TP73: variants seen among roughly 807,000 people sequenced by gnomAD.
The protein encoded by TP73 is p53-like transcription factor.
TP73 carries 25 observed loss-of-function variants against 62.5 expected under a neutral mutation model. The observed-to-expected ratio is 0.40, with a 90% CI of 0.29 to 0.56. TP73 has a LOEUF of 0.56. TP73 is among the 20% of genes least tolerant of loss of function. TP73 has a pLI of 0.46. For missense variants in TP73, 754 were observed against 913.3 expected (o/e 0.83, Z 2.25); for synonymous variants, 423 against 377.5 (o/e 1.12, Z -1.40).
intron 1 of TP73, among the ~76,000 whole-genome samples, chr1:3,677,877 T>C (rs1645410290): frequency 1.3e-5 from 2 of 151,946 alleles, no homozygotes. Flanking sequence ...AATATTTTTT[T>C]AAGTTTTTGG....
intron 1 of TP73, among the ~76,000 whole-genome samples, chr1:3,677,922 C>T (rs930063189): frequency 1.3e-5 from 2 of 152,110 alleles, no homozygotes; most frequent in Non-Finnish European, 2.9e-5. Flanking sequence ...CCAGGCTGGT[C>T]TCAAGCCCTT....
chr1:3,730,722 C>G (rs976691457), intron 11 of TP73, among the ~76,000 whole-genome samples: 4 of 152,202 alleles, frequency 2.6e-5, no homozygotes, highest in Non-Finnish European at 4.4e-5. Flanking sequence ...CGGTCACCCC[C>G]GTCCCTACTA....
chr1:3,658,384 C>T (rs1487425205), intron 1 of TP73, among the ~76,000 whole-genome samples: 1 of 152,148 alleles, frequency 6.6e-6, no homozygotes, highest in Non-Finnish European at 1.5e-5. Context: ...CCCGGAAGTG[C>T]CATAAAAACA....
rs1459455075 is a variant in TP73, at chr1:3,733,735, G to C, written c.*656G>C. ...AGTGTTGCTGAAATTGGAGAAAACTGGGGAGGGCGCAACCCCCCCCAGGCG... is the reference window on the plus strand; with the variant it reads ...AGTGTTGCTGAAATTGGAGAAAACTCGGGAGGGCGCAACCCCCCCCAGGCG... On this transcript the variant is annotated 3_prime_UTR_variant, in exon 14 of 14. Coordinates refer to ENST00000378295, the MANE Select transcript of TP73 (RefSeq NM_005427.4). The C allele has an allele frequency of 1.3e-5, 2 of 152,502 alleles. No homozygotes were observed. The highest frequency in any genetic ancestry group is 2.9e-5 in the Non-Finnish European group (2 of 68,244). The allele number at this position is 152,502 out of a possible 1,614,324, so 9.4% of individuals were successfully genotyped here. A position where few individuals can be genotyped will look rare whatever the true frequency, so the allele number is the denominator to read the frequency against.
At chr1:3,730,196 A>G (rs1230774389) in intron 11 of TP73, 48 bp downstream of exon 11, 1 of 1,466,542 alleles carries the variant, frequency 6.8e-7, no homozygotes, top group Non-Finnish European at 9.1e-7. Context: ...GGGGAGGCCC[A>G]CTGGGGGCGC....
chr1:3,693,445 G>A (rs550906903), intron 3 of TP73, among the ~76,000 whole-genome samples: 8 of 152,138 alleles, frequency 5.3e-5, no homozygotes, highest in African/African-American at 9.7e-5. Context: ...AGCTGGGCCC[G>A]CCAATTGCCC....
At position 3,663,682 on chromosome 1, in the gene TP73, C is replaced by G. The variant is rs900762949; in HGVS notation, c.-34+11041C>G. 2.1e-5 allele frequency among the ~76,000 whole-genome samples: 3 copies of G among 145,744 alleles called. No individual in the cohort carries two copies. Among genetic ancestry groups the G allele is most frequent in the Non-Finnish European group, 4.5e-5 (3 of 66,818 alleles). The stretch of plus-strand genomic sequence containing the variant: ...AGTGAGCCAAGATCGTGCAACAATG[C>G]GAGACTCCATCTCAAAAAAAAAAAA... On this transcript the variant is annotated intron_variant, in intron 1 of 13. Coordinates refer to ENST00000378295, the MANE Select transcript of TP73 (RefSeq NM_005427.4). This position sits in a 1 kb window ranked among gnomAD's most constrained non-coding sequence, Gnocchi z 4.7.
At chr1:3,697,928 T>C (rs979666736) in intron 3 of TP73, 5 of 212,932 alleles carry the variant, frequency 2.3e-5, no homozygotes, top group African/African-American at 1.2e-4. Flanking sequence ...TGTCCGCTTA[T>C]CACCGAGGGC....
chr1:3,689,063 C>T (rs536841590), intron 3 of TP73, among the ~76,000 whole-genome samples: 5 of 152,130 alleles, frequency 3.3e-5, no homozygotes, highest in Non-Finnish European at 7.4e-5. Context: ...CGGCCCTGCT[C>T]TGAGGGTCTG....
intron 1 of TP73, among the ~76,000 whole-genome samples, chr1:3,676,550 G>T (rs1300124960): frequency 1.3e-5 from 2 of 151,934 alleles, no homozygotes; most frequent in African/African-American, 4.8e-5. Flanking sequence ...GACGAGGCCA[G>T]AGGGGTTGGG....
chr1:3,728,079 C>A (rs765619605), intron 8 of TP73, 50 bp from the exon 9 acceptor site: 1 of 1,545,520 alleles, frequency 6.5e-7, no homozygotes, highest in Non-Finnish European at 8.8e-7. Flanking sequence ...AAGGAGGCCT[C>A]ACCCTCTGGT....
chr1:3,683,574 C>A (rs767645952), intron 3 of TP73, among the ~76,000 whole-genome samples: 31 of 152,308 alleles, frequency 2.0e-4, no homozygotes, highest in Non-Finnish European at 3.7e-4. Context: ...CCAGGTGCTT[C>A]ACAGCTGCCT....
chr1:3,728,221 AGT>A lies in TP73; in HGVS notation c.1074+10_1074+11del. On this transcript the variant is annotated splice_donor_5th_base_variant and intron_variant, in intron 9 of 13. Transcript: ENST00000378295. Reference sequence around the variant, plus strand: ...CGAGGACACGTACTACCTTCAGGTGAGTGTGTGCTCCTGCACGGCAGCCGGGA... The same window carrying A: ...CGAGGACACGTACTACCTTCAGGTGAGTGTGCTCCTGCACGGCAGCCGGGA... 1 of 1,610,936 alleles carries A rather than the reference AGT, an allele frequency of 6.2e-7. No homozygotes were observed. The highest frequency in any genetic ancestry group is 8.5e-7 in the Non-Finnish European group (1 of 1,179,646).
chr1:3,718,914 C>T (rs756556093), intron 4 of TP73, among the ~76,000 whole-genome samples: 4 of 152,122 alleles, frequency 2.6e-5, no homozygotes, highest in Non-Finnish European at 4.4e-5. Flanking sequence ...CTGAGAATAA[C>T]GAGGGCGCAG....
intron 3 of TP73, among the ~76,000 whole-genome samples, chr1:3,687,874 G>C (rs1012373533): frequency 6.6e-6 from 1 of 152,150 alleles, no homozygotes; most frequent in South Asian, 2.1e-4. Context: ...TGGGAGCCCC[G>C]GGAACCCAGT....
At position 3,690,733 on chromosome 1, in the gene TP73, C is replaced by G. The variant is rs541737792; in HGVS notation, c.186+7553C>G. On this transcript the variant is annotated intron_variant, in intron 3 of 13. Coordinates refer to ENST00000378295, the MANE Select transcript of TP73 (RefSeq NM_005427.4). ...AAAGCGAAAATGCCAACAAACGGCC[C>G]GCATGTTCCCCAGCATCCTCGGCTC... 11 of 1,438,894 alleles carry G rather than the reference C, an allele frequency of 7.6e-6. No individual in the cohort carries two copies. The African/African-American group carries it at 1.4e-4, about 19-fold the overall frequency. The allele number at this position is 1,438,894 out of a possible 1,614,324, so 89.1% of individuals were successfully genotyped here. A position where few individuals can be genotyped will look rare whatever the true frequency, so the allele number is the denominator to read the frequency against.
chr1:3,665,252 T>A (rs1645084979), intron 1 of TP73, among the ~76,000 whole-genome samples: 1 of 152,200 alleles, frequency 6.6e-6, no homozygotes, highest in African/African-American at 2.4e-5. Flanking sequence ...CTTGACTAAT[T>A]ATTTGGCAGT....
At position 3,732,881 on chromosome 1, in the gene TP73, C is replaced by G; in HGVS notation, c.1713C>G (p.Ile571Met). 1.9e-6 allele frequency: 3 copies of G among 1,611,664 alleles called. No homozygotes were observed. Among genetic ancestry groups the G allele is most frequent in the Non-Finnish European group, 2.5e-6 (3 of 1,179,664 alleles). The stretch of plus-strand genomic sequence containing the variant: ...CTAGCAACGCGGCCACCATCTCCAT[C>G]GGCGGCTCAGGGGAACTGCAGCGCC... ...LRSSNAATIS[I>M]GGSGELQRQR... Residue 571 changes from isoleucine to methionine, a missense_variant, in exon 14 of 14, where the codon ATC becomes ATG. By Grantham distance (10) the Ile-to-Met change is conservative (BLOSUM62 1). This residue lies in a region of TP73 where 458 missense variants were observed against 528.7 expected (regional missense o/e 0.87). Coordinates refer to ENST00000378295, the MANE Select transcript of TP73 (RefSeq NM_005427.4).
At chr1:3,690,658 C>A in intron 3 of TP73, 1 of 1,399,558 alleles carries the variant, frequency 7.1e-7, no homozygotes, top group Non-Finnish European at 9.3e-7. Context: ...GGGTGGGCCG[C>A]GGGTTTTGTT....
Sources: allele counts gnomAD v4.1 joint callset (sites outside exome capture counted in the v4.1 genomes callset), GRCh38; gene constraint gnomAD v4.1.1; regional missense constraint gnomAD v4.1.1; non-coding constraint Gnocchi (gnomAD v3.1); transcripts MANE v1.5; gene names NCBI Gene and HGNC (gene_info 2026-07-23, HGNC 2026-07-21).